Variants in ARHGEF7 observed in about 807,000 individuals in gnomAD.
ARHGEF7 encodes Rho guanine nucleotide exchange factor 7.
A neutral mutation model predicts 109.8 loss-of-function variants in ARHGEF7; 33 were observed. The observed-to-expected ratio is 0.30, with a 90% CI of 0.23 to 0.40. ARHGEF7 has a LOEUF of 0.40. Among genes scored for constraint, ARHGEF7 ranks in the 10% least tolerant of loss-of-function variants. The pLI, the probability that ARHGEF7 is intolerant of heterozygous loss-of-function variation, is 1.00. For synonymous variants in ARHGEF7, 458 were observed against 424.6 expected, an observed-to-expected ratio of 1.08 and a Z score of -0.97; for missense variants, 938 against 1,098.5, an observed-to-expected ratio of 0.85 and a Z score of 2.07.
At chr13:111,294,995 C>T (rs2093395273) in intron 19 of ARHGEF7, 12 of 985,612 alleles carry the variant, frequency 1.2e-5, no homozygotes, top group Non-Finnish European at 1.3e-5. Flanking sequence ...TATAATTGTG[C>T]TCTTTATCTG....
chr13:111,295,476 T>G (rs559315521), intron 19 of ARHGEF7, among the ~76,000 whole-genome samples: 3 of 152,246 alleles, frequency 2.0e-5, no homozygotes, highest in Non-Finnish European at 4.4e-5. Context: ...GCATTATTTT[T>G]TGTGTGTGCG....
At chr13:111,275,881 T>A in intron 12 of ARHGEF7, 2 of 607,882 alleles carry the variant, frequency 3.3e-6, no homozygotes, top group East Asian at 3.3e-5. Flanking sequence ...GACTTGTTGA[T>A]CAGTTTGATC....
chr13:111,192,116 C>G (rs950521461), intron 2 of ARHGEF7, among the ~76,000 whole-genome samples: 1 of 152,132 alleles, frequency 6.6e-6, no homozygotes, highest in Admixed American at 6.5e-5. Context: ...GATGCAAGTC[C>G]TCCAGTGGTT....
intron 6 of ARHGEF7, among the ~76,000 whole-genome samples, chr13:111,238,493 GT>G (rs1174786047): frequency 6.6e-6 from 1 of 152,216 alleles, no homozygotes; most frequent in African/African-American, 2.4e-5. Flanking sequence ...ATACCATTCT[GT>G]TTGTAAACTG....
intron 2 of ARHGEF7, among the ~76,000 whole-genome samples, chr13:111,177,791 A>G (rs557586221): frequency 1.4e-4 from 22 of 152,226 alleles, no homozygotes; most frequent in Admixed American, 3.3e-4. Flanking sequence ...TCAACATGCT[A>G]TTGAACAAGG....
At chr13:111,138,321 A>C (rs2075183666) in intron 1 of ARHGEF7, among the ~76,000 whole-genome samples, 1 of 151,996 alleles carries the variant, frequency 6.6e-6, no homozygotes, top group South Asian at 2.1e-4. Flanking sequence ...CTCAAAAAAA[A>C]CAAAAAAAAA....
At chr13:111,247,367 C>G (rs902614424) in intron 8 of ARHGEF7, among the ~76,000 whole-genome samples, 4 of 151,868 alleles carry the variant, frequency 2.6e-5, no homozygotes, top group African/African-American at 9.7e-5. Context: ...CTCCTGAGTT[C>G]AAGTGATTCT....
intron 8 of ARHGEF7, among the ~76,000 whole-genome samples, chr13:111,245,064 G>T (rs1265969630): frequency 6.6e-6 from 1 of 152,172 alleles, no homozygotes; most frequent in Non-Finnish European, 1.5e-5. Flanking sequence ...TTGAAGTGTT[G>T]GTTGTGTGAC....
intron 1 of ARHGEF7, among the ~76,000 whole-genome samples, chr13:111,153,215 C>T (rs1408821228): frequency 6.6e-6 from 1 of 152,266 alleles, no homozygotes; most frequent in Non-Finnish European, 1.5e-5. Flanking sequence ...GGTTCTCTCC[C>T]AACGATCAGG....
chr13:111,286,275 GCCT>G (rs781720237), intron 17 of ARHGEF7, 35 bp downstream of exon 17: 46 of 1,528,488 alleles, frequency 3.0e-5, no homozygotes, highest in Admixed American at 2.0e-4. Context: ...GGAGGACGTG[GCCT>G]CCTGGTCACG....
At chr13:111,221,192 T>G (rs1387220277) in intron 5 of ARHGEF7, among the ~76,000 whole-genome samples, 9 of 69,490 alleles carry the variant, frequency 1.3e-4, no homozygotes, top group Middle Eastern at 0.014. Flanking sequence ...TATATGTCTA[T>G]ATATATCTAT....
chr13:111,240,804 C>T (rs764326750), intron 6 of ARHGEF7, among the ~76,000 whole-genome samples: 21 of 151,992 alleles, frequency 1.4e-4, no homozygotes, highest in Non-Finnish European at 2.9e-4. Flanking sequence ...TATGGAAATA[C>T]AGTTGTATGA....
At chr13:111,144,307 T>C (rs937240970) in intron 1 of ARHGEF7, 1 of 152,282 alleles carries the variant, frequency 6.6e-6, no homozygotes, top group African/African-American at 2.4e-5. Context: ...AGAAACATGC[T>C]TTAAAAAAGG....
In ARHGEF7 at chr13:111,205,520, T is replaced by A. The variant is rs77914308; in HGVS notation, c.337+147T>A. The A allele has an allele frequency of 2.6e-3, 1,512 of 573,486 alleles. 46 individuals carry two copies. The East Asian group carries it at 0.045, about 17-fold the overall frequency. The allele number at this position is 573,486 out of a possible 1,614,324, so 35.5% of individuals were successfully genotyped here. A position where few individuals can be genotyped will look rare whatever the true frequency, so the allele number is the denominator to read the frequency against. On this transcript the variant is annotated intron_variant, in intron 3 of 21. Transcript: ENST00000646102. ...ATTACGTTTTGATTGTTCCTTTTGCTGTGATATTTTATTTGCCTTGTTAGA... is the reference window on the plus strand; with the variant it reads ...ATTACGTTTTGATTGTTCCTTTTGCAGTGATATTTTATTTGCCTTGTTAGA...
chr13:111,275,253 A>G (rs939406251), intron 11 of ARHGEF7, among the ~76,000 whole-genome samples: 5 of 152,182 alleles, frequency 3.3e-5, no homozygotes, highest in African/African-American at 1.2e-4. Flanking sequence ...TCCTGTCCAC[A>G]TTTCTTTTTT....
At chr13:111,244,666 A>G (rs1048054959) in intron 8 of ARHGEF7, among the ~76,000 whole-genome samples, 1 of 152,206 alleles carries the variant, frequency 6.6e-6, no homozygotes, top group Non-Finnish European at 1.5e-5. Context: ...TCTTTCCCCA[A>G]TATCCTGCAG....
Position 111,139,993 on chromosome 13 carries a change from G to A in ARHGEF7, c.166-13912G>A, listed in dbSNP as rs144000336. Among the ~76,000 whole-genome samples, 135 of 152,248 alleles carry A rather than the reference G, an allele frequency of 8.9e-4. 3 individuals are homozygous for A. The East Asian group carries it at 0.022, about 24-fold the overall frequency. ...GTGATCATATTTCCAGGTCTTTTTC[G>A]GGATAGTTCCTGTCTTAAACATCCA... On this transcript the variant is annotated intron_variant, in intron 1 of 21. Coordinates refer to ENST00000646102, the MANE Select transcript of ARHGEF7 (RefSeq NM_001354046.2).
intron 2 of ARHGEF7, among the ~76,000 whole-genome samples, chr13:111,167,026 C>T (rs138656053): frequency 5.3e-5 from 8 of 152,222 alleles, no homozygotes; most frequent in East Asian, 1.9e-4. Flanking sequence ...ATTTTAGGCC[C>T]GCTAGACGTG....
At chr13:111,195,878 C>T (rs2080440471) in intron 2 of ARHGEF7, among the ~76,000 whole-genome samples, 1 of 152,200 alleles carries the variant, frequency 6.6e-6, no homozygotes, top group Non-Finnish European at 1.5e-5. Context: ...AGGCTGCTGC[C>T]TTTCTCTGAT....
Sources: gnomAD v4.1 joint callset for allele counts (sites outside exome capture counted in the v4.1 genomes callset) on GRCh38, gnomAD v4.1.1 for gene constraint, MANE v1.5 for transcripts, NCBI Gene and HGNC (gene_info 2026-07-23, HGNC 2026-07-21) for gene names.